Variants in LCK observed in about 807,000 individuals in gnomAD.
The protein encoded by LCK is tyrosine-protein kinase Lck.
Under a neutral mutation model 64.6 loss-of-function variants are expected in LCK, and 14 were observed. That is an observed-to-expected ratio of 0.22 (90% CI 0.14 to 0.34). LCK has a LOEUF of 0.34. Among genes scored for constraint, LCK ranks in the 10% least tolerant of loss-of-function variants. LCK has a pLI of 1.00. For missense variants in LCK, 434 were observed against 668.1 expected (o/e 0.65, Z 3.86); for synonymous variants, 277 against 263.6 (o/e 1.05, Z -0.49).
chr1:32,274,082 G>A, intron 1 of LCK: 1 of 742,476 alleles, frequency 1.3e-6, no homozygotes, highest in Non-Finnish European at 2.1e-6. Flanking sequence ...ATCCCAGGTG[G>A]GAGGGTGGGG....
At chr1:32,272,609 G>GAGAGAGAGAGAGAA (rs1434201900) in intron 1 of LCK, among the ~76,000 whole-genome samples, 10 of 148,328 alleles carry the variant, frequency 6.7e-5, no homozygotes, top group African/African-American at 1.3e-4. Context: ...GAGAGAAAGA[G>GAGAGAGAGAGAGAA]AGAGAGAGAG....
At chr1:32,265,815 T>A (rs1334301333) in intron 1 of LCK, among the ~76,000 whole-genome samples, 2 of 152,124 alleles carry the variant, frequency 1.3e-5, no homozygotes, top group Non-Finnish European at 1.5e-5. Context: ...TCTCTTCTCC[T>A]TCTCCTCCTC....
At chr1:32,285,388 A>G (rs1640584708) in intron 12 of LCK, 126 bp from the exon 13 acceptor site, 5 of 834,360 alleles carry the variant, frequency 6.0e-6, no homozygotes, top group Admixed American at 1.8e-5. Flanking sequence ...TGACCTTACC[A>G]TTGATGAAGA....
In LCK at chr1:32,272,634, AGAGAGAGAGAGAGAGC is replaced by A. The variant is rs1380095651; in HGVS notation, c.-5-1683_-5-1668del. Among the ~76,000 whole-genome samples, 26 of 146,962 alleles carry A rather than the reference AGAGAGAGAGAGAGAGC, an allele frequency of 1.8e-4. 1 individual carries two copies. The highest frequency in any genetic ancestry group is 6.9e-4 in the African/African-American group (25 of 36,488). On this transcript the variant is annotated intron_variant, in intron 1 of 12. Coordinates refer to ENST00000336890, the MANE Select transcript of LCK (RefSeq NM_005356.5). ...GAGAGAGAGAGAGAAAGAGAGAGAGAGAGAGAGAGAGAGAGCGAGAGAGCGCACGCATTTCAAAGCA... is the reference window on the plus strand; with the variant it reads ...GAGAGAGAGAGAGAAAGAGAGAGAGAGAGAGAGCGCACGCATTTCAAAGCA...
chr1:32,283,509 G>A (rs968494748), intron 12 of LCK, among the ~76,000 whole-genome samples: 2 of 152,102 alleles, frequency 1.3e-5, no homozygotes, highest in Admixed American at 1.3e-4. Context: ...CACTACATGA[G>A]CAATTTAGAA....
chr1:32,280,270 T>C (rs1640412316), intron 12 of LCK, 60 bp downstream of exon 12: 2 of 1,597,732 alleles, frequency 1.3e-6, no homozygotes, highest in East Asian at 2.2e-5. Context: ...TGTCTTCCCA[T>C]TCAATTCTTT....
chr1:32,253,561 C>T (rs936898196), intron 1 of LCK, among the ~76,000 whole-genome samples: 1 of 152,150 alleles, frequency 6.6e-6, no homozygotes, highest in Non-Finnish European at 1.5e-5. Context: ...GGATTACAGG[C>T]ATGAGCCACC....
At chr1:32,274,678 G>A (rs1640200196) in intron 2 of LCK, 59 bp from the exon 3 acceptor site, 1 of 1,385,120 alleles carries the variant, frequency 7.2e-7, no homozygotes, top group Non-Finnish European at 9.9e-7. Flanking sequence ...GGGGGAAGGG[G>A]GCCAGGGTCT....
At chr1:32,271,471 A>G (rs1640079690) in intron 1 of LCK, among the ~76,000 whole-genome samples, 1 of 152,070 alleles carries the variant, frequency 6.6e-6, no homozygotes, top group African/African-American at 2.4e-5. Flanking sequence ...GAAGCCAAGA[A>G]TTTGAGACCA....
intron 1 of LCK, among the ~76,000 whole-genome samples, chr1:32,267,486 C>T (rs568930442): frequency 9.1e-4 from 139 of 152,224 alleles, no homozygotes; most frequent in African/African-American, 3.2e-3. Context: ...TCGAGCTGGG[C>T]ACGGTGGCTC....
At chr1:32,278,581 C>T (rs867243366) in intron 9 of LCK, among the ~76,000 whole-genome samples, 2 of 152,254 alleles carry the variant, frequency 1.3e-5, no homozygotes, top group South Asian at 4.1e-4. Context: ...TCAGGTGATC[C>T]TCCCGCCTTG....
intron 10 of LCK, 28 bp downstream of exon 10, chr1:32,279,775 C>G: frequency 1.2e-6 from 2 of 1,608,924 alleles, no homozygotes; most frequent in Non-Finnish European, 1.7e-6. Flanking sequence ...GGGGGCTGGG[C>G]AAGGGAACAG....
chr1:32,280,011 A>G lies in LCK; in HGVS notation c.1195+17A>G. On this transcript the variant is annotated intron_variant, in intron 11 of 12. Coordinates refer to ENST00000336890, the MANE Select transcript of LCK (RefSeq NM_005356.5). The stretch of plus-strand genomic sequence containing the variant: ...CCAGGGAGGGTACGTGTGAGATTTA[A>G]GGGTGGTCTGGGCCCTGCAGGGTCT... 3 of 1,614,044 alleles carry G rather than the reference A, an allele frequency of 1.9e-6. No individual in the cohort carries two copies. Among genetic ancestry groups the G allele is most frequent in the Non-Finnish European group, 2.5e-6 (3 of 1,179,932 alleles).
At chr1:32,257,661 A>T (rs1639662606) in intron 1 of LCK, among the ~76,000 whole-genome samples, 1 of 152,156 alleles carries the variant, frequency 6.6e-6, no homozygotes, top group African/African-American at 2.4e-5. Flanking sequence ...AGAAACGTTT[A>T]TAAAGCAGTG....
rs895984986 is a variant in LCK, at chr1:32,251,775, G to T, written c.-6+404G>T. Among the ~76,000 whole-genome samples, 2 of 152,140 alleles carry T rather than the reference G, an allele frequency of 1.3e-5. No homozygotes were observed. Among genetic ancestry groups the T allele is most frequent in the Non-Finnish European group, 2.9e-5 (2 of 68,006 alleles). ...CAGCAAGGCAGTGGCAGGGCTGAGA[G>T]TGATGGCTGAGGCTGTGGCCACCCC... On this transcript the variant is annotated intron_variant, in intron 1 of 12. Transcript: ENST00000336890. This position sits in a 1 kb window ranked among gnomAD's most constrained non-coding sequence, Gnocchi z 4.0.
intron 1 of LCK, among the ~76,000 whole-genome samples, chr1:32,267,766 C>T (rs1016780184): frequency 2.0e-5 from 3 of 152,020 alleles, no homozygotes; most frequent in South Asian, 2.1e-4. Flanking sequence ...TGGTGGCACA[C>T]GCCTGTAATC....
At chr1:32,273,697 A>G (rs1640172479) in intron 1 of LCK, among the ~76,000 whole-genome samples, 1 of 151,922 alleles carries the variant, frequency 6.6e-6, no homozygotes, top group African/African-American at 2.4e-5. Flanking sequence ...CAAATAAACA[A>G]AAAAAAAGTT....
Position 32,276,320 on chromosome 1 carries a change from C to T in LCK, c.632-17C>T, listed in dbSNP as rs775308136. 1.3e-6 allele frequency: 2 copies of T among 1,543,534 alleles called. No individual in the cohort carries two copies. On this transcript the variant is annotated splice_polypyrimidine_tract_variant and intron_variant, in intron 7 of 12. Coordinates refer to ENST00000336890, the MANE Select transcript of LCK (RefSeq NM_005356.5). This position sits in a 1 kb window ranked among gnomAD's most constrained non-coding sequence, Gnocchi z 4.6. ...CCTGCCCTATTGACAGCCTTCACCC[C>T]TCCCTCGTCCTCGCAGATGCTTCAG... is the stretch of plus-strand genomic sequence containing the variant.
At chr1:32,268,114 A>C (rs569037572) in intron 1 of LCK, among the ~76,000 whole-genome samples, 1 of 151,820 alleles carries the variant, frequency 6.6e-6, no homozygotes, top group South Asian at 2.1e-4. Flanking sequence ...GAATCGCTTG[A>C]ACCCAGGAGG....
Sources: gnomAD v4.1 joint callset for allele counts (sites outside exome capture counted in the v4.1 genomes callset) on GRCh38, gnomAD v4.1.1 for gene constraint, Gnocchi (gnomAD v3.1) non-coding constraint, MANE v1.5 for transcripts, NCBI Gene and HGNC (gene_info 2026-07-23, HGNC 2026-07-21) for gene names.